PTPRD: variants seen among roughly 807,000 people sequenced by gnomAD.
PTPRD encodes the protein protein tyrosine phosphatase receptor type D, also known as receptor-type tyrosine-protein phosphatase delta.
PTPRD carries 34 observed loss-of-function variants against 214.5 expected under a neutral mutation model. That is an observed-to-expected ratio of 0.16 (90% CI 0.12 to 0.21). The LOEUF is 0.21. Ranked by LOEUF, PTPRD falls within the 10% of genes least tolerant of loss-of-function variation. The pLI, the probability that PTPRD is intolerant of heterozygous loss-of-function variation, is 1.00. For missense variants in PTPRD, 2,545 were observed against 2,398.7 expected (o/e 1.06, Z -1.27); for synonymous variants, 1,128 against 845.7 (o/e 1.33, Z -5.79).
intron 10 of PTPRD, among the ~76,000 whole-genome samples, chr9:9,024,165 A>G (rs1043527925): frequency 6.6e-6 from 1 of 151,662 alleles, no homozygotes; most frequent in Non-Finnish European, 1.5e-5. Flanking sequence ...ATATTTTATA[A>G]GTTCATTAAT....
At chr9:9,901,883 A>G (rs538377359) in intron 5 of PTPRD, among the ~76,000 whole-genome samples, 63 of 152,296 alleles carry the variant, frequency 4.1e-4, no homozygotes, top group Non-Finnish European at 7.5e-4. Context: ...CACACTCTCA[A>G]AAGACTAGAT....
chr9:8,818,632 A>C (rs968073342), intron 11 of PTPRD, among the ~76,000 whole-genome samples: 2 of 152,238 alleles, frequency 1.3e-5, no homozygotes, highest in South Asian at 4.1e-4. Context: ...AGAATGCAAA[A>C]TCATACCTAC....
At chr9:8,616,155 A>G (rs1366307038) in intron 14 of PTPRD, among the ~76,000 whole-genome samples, 1 of 152,110 alleles carries the variant, frequency 6.6e-6, no homozygotes, top group Non-Finnish European at 1.5e-5. Flanking sequence ...CAAACCTCAT[A>G]TCCTGACTTT....
chr9:9,472,534 C>A (rs1307234272), intron 8 of PTPRD, among the ~76,000 whole-genome samples: 1 of 152,154 alleles, frequency 6.6e-6, no homozygotes, highest in African/African-American at 2.4e-5. Context: ...CTTGCAATCT[C>A]ACATACTTGA....
chr9:9,904,324 T>G, intron 5 of PTPRD, among the ~76,000 whole-genome samples: 1 of 152,098 alleles, frequency 6.6e-6, no homozygotes, highest in South Asian at 2.1e-4. Context: ...TACCAAAATA[T>G]GACAATTATT....
chr9:9,897,060 G>A (rs2075171875), intron 5 of PTPRD, among the ~76,000 whole-genome samples: 1 of 151,654 alleles, frequency 6.6e-6, no homozygotes, highest in African/African-American at 2.4e-5. Flanking sequence ...TATATCACAA[G>A]AATTTTGACA....
At chr9:9,333,617 T>C (rs2043242882) in intron 9 of PTPRD, among the ~76,000 whole-genome samples, 2 of 150,718 alleles carry the variant, frequency 1.3e-5, no homozygotes, top group South Asian at 4.2e-4. Flanking sequence ...TCTGGAAATG[T>C]AAAGAAGATC....
intron 3 of PTPRD, among the ~76,000 whole-genome samples, chr9:10,293,329 T>A (rs2095583139): frequency 6.6e-6 from 1 of 151,922 alleles, no homozygotes. Context: ...TAATATGCAG[T>A]TTTTTCTCTG....
chr9:10,356,941 A>C (rs1251980217), intron 2 of PTPRD, among the ~76,000 whole-genome samples: 1 of 151,974 alleles, frequency 6.6e-6, no homozygotes, highest in African/African-American at 2.4e-5. Flanking sequence ...TCGGCCTCCC[A>C]AAGTGCTGGG....
chr9:9,706,017 T>C (rs139490735), intron 7 of PTPRD, among the ~76,000 whole-genome samples: 1 of 152,264 alleles, frequency 6.6e-6, no homozygotes, highest in East Asian at 1.9e-4. Flanking sequence ...ATGGACATGA[T>C]AATATCTTCT....
chr9:8,704,695 G>A (rs1000416256), intron 12 of PTPRD, among the ~76,000 whole-genome samples: 1 of 151,702 alleles, frequency 6.6e-6, no homozygotes, highest in Non-Finnish European at 1.5e-5. Context: ...AAAAAGAAAT[G>A]AGGCGAGCGG....
intron 7 of PTPRD, among the ~76,000 whole-genome samples, chr9:9,648,493 T>A (rs1041923010): frequency 6.6e-6 from 1 of 152,246 alleles, no homozygotes; most frequent in African/African-American, 2.4e-5. Flanking sequence ...TCTGACCTGA[T>A]GGTAATTTTC....
intron 5 of PTPRD, among the ~76,000 whole-genome samples, chr9:9,827,890 G>A (rs138819207): frequency 0.01 from 1,551 of 152,108 alleles, 19 homozygotes; most frequent in African/African-American, 0.035. Flanking sequence ...GCAGCCAAAA[G>A]ACACATGAAA....
chr9:10,485,425 C>T (rs2132388937), intron 2 of PTPRD, among the ~76,000 whole-genome samples: 1 of 152,174 alleles, frequency 6.6e-6, no homozygotes, highest in Non-Finnish European at 1.5e-5. Flanking sequence ...ACAGGAATTG[C>T]ATTGAATCTG....
At chr9:9,733,216 A>T (rs778445639) in intron 7 of PTPRD, among the ~76,000 whole-genome samples, 6 of 152,176 alleles carry the variant, frequency 3.9e-5, no homozygotes, top group Non-Finnish European at 8.8e-5. Context: ...AATATAAGGA[A>T]TAAGACAGAG....
chr9:9,118,814 T>C (rs2099814760), intron 10 of PTPRD, among the ~76,000 whole-genome samples: 1 of 152,186 alleles, frequency 6.6e-6, no homozygotes, highest in Admixed American at 6.6e-5. Flanking sequence ...GAAGTACTTA[T>C]TCTACCTTAA....
chr9:9,469,302 G>C (rs1334940759), intron 8 of PTPRD, among the ~76,000 whole-genome samples: 1 of 151,990 alleles, frequency 6.6e-6, no homozygotes, highest in Admixed American at 6.6e-5. Context: ...CATTATCTTT[G>C]GATAGTTCTC....
chr9:8,852,564 C>T (rs1216085217), intron 11 of PTPRD, among the ~76,000 whole-genome samples: 1 of 152,144 alleles, frequency 6.6e-6, no homozygotes, highest in Non-Finnish European at 1.5e-5. Context: ...GTTTGCTCGT[C>T]GCAGGTGAAG....
At chr9:8,489,103 T>C (rs1289369877) in intron 27 of PTPRD, among the ~76,000 whole-genome samples, 2 of 152,314 alleles carry the variant, frequency 1.3e-5, no homozygotes, top group East Asian at 3.9e-4. Context: ...AGCATGTTCT[T>C]AGTAACTGAT....
Sources: gnomAD v4.1 joint callset for allele counts (sites outside exome capture counted in the v4.1 genomes callset) on GRCh38, gnomAD v4.1.1 for gene constraint, MANE v1.5 for transcripts, NCBI Gene and HGNC (gene_info 2026-07-23, HGNC 2026-07-21) for gene names.